The following ERBB4 variants were observed in gnomAD, a reference collection of about 807,000 sequenced individuals.
ERBB4 encodes the protein erb-b2 receptor tyrosine kinase 4.
Under a neutral mutation model 158.0 loss-of-function variants are expected in ERBB4, and 42 were observed. That is an observed-to-expected ratio of 0.27 (90% CI 0.21 to 0.34). The LOEUF (loss-of-function observed/expected upper bound fraction) is 0.34, where lower values mean the gene tolerates loss of function less well. Ranked by LOEUF, ERBB4 falls within the 10% of genes least tolerant of loss-of-function variation. The pLI is 1.00. For synonymous variants in ERBB4, 583 were observed against 558.7 expected (o/e 1.04, Z -0.61); for missense variants, 1,333 against 1,624.1 (o/e 0.82, Z 3.08).
chr2:212,059,563 C>G (rs533502178), intron 2 of ERBB4, among the ~76,000 whole-genome samples: 95 of 152,214 alleles, frequency 6.2e-4, no homozygotes, highest in Non-Finnish European at 9.6e-4. Context: ...CTATAGTAAC[C>G]AAAACAGCAT....
chr2:211,705,387 G>A lies in ERBB4; in HGVS notation c.1129C>T (p.Pro377Ser). The change falls in exon 10 of 28, where the codon CCT becomes TCT. Residue 377 changes from proline to serine, a missense_variant. Pro to Ser is a moderately conservative substitution (Grantham distance 74). Around this residue, in one of 5 missense-constraint regions of ERBB4, gnomAD observed 438 missense variants for 586.9 expected, o/e 0.75. Transcript: ENST00000342788. The part of the protein sequence containing the change: ...IFLVTGIHGD[P>S]YNAIEAIDPE... Reference sequence around the variant, plus strand: ...TCTATGGCTTCAATTGCATTGTAAGGGTCCCTAGAAAATCAAGAAGAGATG... The same window carrying A: ...TCTATGGCTTCAATTGCATTGTAAGAGTCCCTAGAAAATCAAGAAGAGATG... The A allele has an allele frequency of 6.2e-7, 1 of 1,607,746 alleles. No individual in the cohort carries two copies. The highest frequency in any genetic ancestry group is 8.5e-7 in the Non-Finnish European group (1 of 1,174,420).
intron 4 of ERBB4, among the ~76,000 whole-genome samples, chr2:211,762,796 G>GT (rs2106244652): frequency 6.6e-6 from 1 of 152,308 alleles, no homozygotes; most frequent in Admixed American, 6.5e-5. Context: ...GTTCTAAACT[G>GT]TTTTCTCACA....
chr2:211,435,812 A>G (rs534793007), intron 20 of ERBB4, among the ~76,000 whole-genome samples: 2 of 152,320 alleles, frequency 1.3e-5, no homozygotes, highest in African/African-American at 4.8e-5. Flanking sequence ...TGCTGATCTA[A>G]CTAATGCATG....
chr2:212,426,544 C>T (rs1024404095), intron 1 of ERBB4, among the ~76,000 whole-genome samples: 2 of 152,076 alleles, frequency 1.3e-5, no homozygotes, highest in South Asian at 2.1e-4. Flanking sequence ...TCTAAACATA[C>T]ACCTGTATGC....
intron 2 of ERBB4, among the ~76,000 whole-genome samples, chr2:212,016,854 T>C (rs766652836): frequency 1.4e-4 from 21 of 152,106 alleles, no homozygotes; most frequent in Admixed American, 2.6e-4. Flanking sequence ...ATATATACAT[T>C]TGAGCATTAT....
At chr2:212,449,771 G>A (rs2106016118) in intron 1 of ERBB4, among the ~76,000 whole-genome samples, 1 of 152,042 alleles carries the variant, frequency 6.6e-6, no homozygotes, top group South Asian at 2.1e-4. Context: ...AATATTCTTG[G>A]ACAGGTACCA....
At chr2:212,528,580 C>T (rs573395197) in intron 1 of ERBB4, among the ~76,000 whole-genome samples, 21 of 152,100 alleles carry the variant, frequency 1.4e-4, no homozygotes, top group Non-Finnish European at 2.1e-4. Context: ...ATAGATTACT[C>T]GGCAGACTGT....
chr2:211,549,990 C>A (rs1161954661), intron 20 of ERBB4, among the ~76,000 whole-genome samples: 2 of 152,074 alleles, frequency 1.3e-5, no homozygotes, highest in East Asian at 3.9e-4. Context: ...TAGGTGCTCA[C>A]CAAGCCAGAA....
At chr2:212,337,697 T>C (rs934068131) in intron 1 of ERBB4, among the ~76,000 whole-genome samples, 12 of 152,078 alleles carry the variant, frequency 7.9e-5, no homozygotes, top group African/African-American at 2.9e-4. Flanking sequence ...GGAAACACTG[T>C]CTTAAGATCA....
intron 1 of ERBB4, among the ~76,000 whole-genome samples, chr2:212,162,398 G>C (rs981695236): frequency 5.3e-5 from 8 of 151,810 alleles, no homozygotes; most frequent in South Asian, 2.1e-4. Context: ...TTAAAATAGT[G>C]TTTATCTTGA....
intron 2 of ERBB4, among the ~76,000 whole-genome samples, chr2:211,974,716 T>G (rs1262886047): frequency 1.5e-4 from 23 of 152,172 alleles, no homozygotes. Flanking sequence ...GGTCTAAGAT[T>G]GTTCCACTGC....
At chr2:211,779,573 CG>C (rs1431369855) in intron 4 of ERBB4, 1 of 152,160 alleles carries the variant, frequency 6.6e-6, no homozygotes, top group African/African-American at 2.4e-5. Context: ...GCATACACCA[CG>C]TGAAATATTA....
At chr2:212,497,679 T>C (rs984505857) in intron 1 of ERBB4, among the ~76,000 whole-genome samples, 1 of 152,266 alleles carries the variant, frequency 6.6e-6, no homozygotes, top group East Asian at 1.9e-4. Context: ...CTTCACAGCT[T>C]ATCTAAAGTA....
At chr2:211,545,321 T>A (rs970117995) in intron 20 of ERBB4, among the ~76,000 whole-genome samples, 4 of 152,030 alleles carry the variant, frequency 2.6e-5, no homozygotes, top group Admixed American at 6.6e-5. Flanking sequence ...AGATTATGAA[T>A]AGTAATGACA....
At chr2:211,821,000 C>T (rs1284523393) in intron 3 of ERBB4, among the ~76,000 whole-genome samples, 2 of 151,762 alleles carry the variant, frequency 1.3e-5, no homozygotes, top group Admixed American at 1.3e-4. Context: ...AACAAGGATG[C>T]CCAATATCAC....
At chr2:211,956,812 C>A (rs1017171387) in intron 2 of ERBB4, among the ~76,000 whole-genome samples, 3 of 151,918 alleles carry the variant, frequency 2.0e-5, no homozygotes, top group African/African-American at 7.3e-5. Flanking sequence ...TATGACCACT[C>A]CCTAAAATAA....
At chr2:212,039,138 G>A (rs1349084402) in intron 2 of ERBB4, among the ~76,000 whole-genome samples, 1 of 152,004 alleles carries the variant, frequency 6.6e-6, no homozygotes, top group Admixed American at 6.6e-5. Flanking sequence ...TACTAGTTTT[G>A]GAGGGCCTGA....
intron 1 of ERBB4, among the ~76,000 whole-genome samples, chr2:212,285,797 T>A (rs2085939002): frequency 1.3e-5 from 2 of 152,164 alleles, no homozygotes; most frequent in Admixed American, 1.3e-4. Flanking sequence ...ATATACAGCT[T>A]GGTATTCGAG....
In ERBB4 at chr2:211,664,327, A is replaced by ATGTGTGTG. The variant is rs113835907; in HGVS notation, c.1871+988_1871+995dup. On this transcript the variant is annotated intron_variant, in intron 15 of 27. Coordinates refer to ENST00000342788, the MANE Select transcript of ERBB4 (RefSeq NM_005235.3). The stretch of plus-strand genomic sequence containing the variant: ...TACCCAAGCTGATTCTCAACTACAA[A>ATGTGTGTG]TGTGTGTGTGTGTGTGTGTGTGTGT... 6.5e-3 allele frequency among the ~76,000 whole-genome samples: 970 copies of ATGTGTGTG among 148,942 alleles called. 10 individuals are homozygous for ATGTGTGTG. The highest frequency in any genetic ancestry group is 0.02 in the African/African-American group (811 of 40,670).
Sources: allele counts gnomAD v4.1 joint callset (sites outside exome capture counted in the v4.1 genomes callset), GRCh38; gene constraint gnomAD v4.1.1; regional missense constraint gnomAD v4.1.1; transcripts MANE v1.5; gene names NCBI Gene and HGNC (gene_info 2026-07-23, HGNC 2026-07-21).